DNA2: variants seen among roughly 807,000 people sequenced by gnomAD.
DNA2 encodes the protein DNA replication ATP-dependent helicase/nuclease DNA2.
Under a neutral mutation model 119.1 loss-of-function variants are expected in DNA2, and 101 were observed. The observed-to-expected ratio is 0.85, with a 90% CI of 0.72 to 1.00. DNA2 has a LOEUF of 1.00. Ranked by LOEUF, DNA2 falls within the 50% of genes least tolerant of loss-of-function variation. DNA2 has a pLI of 0.00. For synonymous variants in DNA2, 366 were observed against 424.4 expected (o/e 0.86, Z 1.69); for missense variants, 1,121 against 1,255.5 (o/e 0.89, Z 1.62).
chr10:68,448,976 T>C lies in DNA2; in HGVS notation c.939+1052A>G, dbSNP rs550163384. Among the ~76,000 whole-genome samples, 407 of 140,174 alleles carry C rather than the reference T, an allele frequency of 2.9e-3. 9 individuals carry two copies. Among genetic ancestry groups the C allele is most frequent in the African/African-American group, 0.011 (389 of 36,638 alleles). 92.0% of individuals were successfully genotyped at this position (140,174 alleles called of 152,430 possible). On this transcript the variant is annotated intron_variant, in intron 6 of 20. Coordinates refer to ENST00000358410, the MANE Select transcript of DNA2 (RefSeq NM_001080449.3). ...GTGTGTGTGTGTGTGTGCGTGTGTG[T>C]GTGTGTGTGTAGTAGTTTCACCATG...
intron 4 of DNA2, among the ~76,000 whole-genome samples, chr10:68,464,319 C>T (rs116858331): frequency 0.057 from 8,647 of 151,890 alleles, 388 homozygotes; most frequent in Non-Finnish European, 0.082. Flanking sequence ...ACAAAACCAG[C>T]CTGGCCAACA....
chr10:68,459,012 C>T (rs1041391754), intron 5 of DNA2, 92 bp downstream of exon 5: 39 of 1,156,108 alleles, frequency 3.4e-5, no homozygotes, highest in African/African-American at 1.1e-4. Context: ...ATTGTAATTA[C>T]TCAATCTTTA....
intron 4 of DNA2, among the ~76,000 whole-genome samples, chr10:68,460,872 T>C (rs182051872): frequency 1.5e-4 from 23 of 151,324 alleles, no homozygotes; most frequent in Admixed American, 4.6e-4. Context: ...ATCTCACCAC[T>C]GTACTCCAGC....
chr10:68,422,979 G>C, intron 14 of DNA2, 89 bp from the exon 15 acceptor site: 1 of 990,434 alleles, frequency 1.0e-6, no homozygotes, highest in Non-Finnish European at 1.4e-6. Flanking sequence ...AGATCAAAAG[G>C]TTTTTGTTCT....
At chr10:68,450,624 T>C (rs2052106071) in intron 5 of DNA2, among the ~76,000 whole-genome samples, 1 of 152,238 alleles carries the variant, frequency 6.6e-6, no homozygotes, top group Non-Finnish European at 1.5e-5. Flanking sequence ...CAGTCATTCC[T>C]ACTATAATCT....
chr10:68,433,810 T>G (rs1375485077), intron 10 of DNA2, among the ~76,000 whole-genome samples: 1 of 152,200 alleles, frequency 6.6e-6, no homozygotes, highest in Non-Finnish European at 1.5e-5. Context: ...CTTCCTTATA[T>G]TTTATATTCT....
chr10:68,438,476 G>A (rs1025262474), intron 9 of DNA2, among the ~76,000 whole-genome samples: 20 of 145,442 alleles, frequency 1.4e-4, no homozygotes, highest in African/African-American at 5.0e-4. Context: ...CCAAGATCAC[G>A]CCATTGCACT....
intron 14 of DNA2, among the ~76,000 whole-genome samples, chr10:68,425,360 AT>A (rs1447169225): frequency 7.1e-6 from 1 of 141,594 alleles, no homozygotes; most frequent in East Asian, 2.1e-4. Flanking sequence ...TTCCAAAGTG[AT>A]GGGATTACAG....
chr10:68,454,505 G>A (rs572347148), intron 5 of DNA2, among the ~76,000 whole-genome samples: 91 of 152,048 alleles, frequency 6.0e-4, no homozygotes, highest in African/African-American at 2.1e-3. Context: ...GATATCTACC[G>A]TAATTTAAAA....
intron 19 of DNA2, among the ~76,000 whole-genome samples, chr10:68,418,281 C>T (rs752916089): frequency 2.4e-4 from 36 of 151,860 alleles, no homozygotes; most frequent in Non-Finnish European, 4.1e-4. Context: ...GGCAAGATGG[C>T]GATGCCTGTA....
intron 5 of DNA2, among the ~76,000 whole-genome samples, chr10:68,456,682 G>A (rs1421537503): frequency 6.6e-6 from 1 of 152,008 alleles, no homozygotes; most frequent in African/African-American, 2.4e-5. Context: ...AAAGTGCAGG[G>A]ATTACAGGCA....
chr10:68,426,817 C>T (rs968038443), intron 14 of DNA2, among the ~76,000 whole-genome samples: 2 of 151,222 alleles, frequency 1.3e-5, no homozygotes, highest in African/African-American at 2.4e-5. Flanking sequence ...CCAGCCTGGG[C>T]GACAGAGCAA....
intron 9 of DNA2, among the ~76,000 whole-genome samples, chr10:68,441,326 CCT>C (rs1162804486): frequency 1.4e-5 from 2 of 140,618 alleles, no homozygotes; most frequent in East Asian, 4.1e-4. Context: ...AGAGTGTGAC[CCT>C]GTCTCTTAAA....
chr10:68,459,913 G>A (rs188068627), intron 4 of DNA2, among the ~76,000 whole-genome samples: 7 of 151,822 alleles, frequency 4.6e-5, no homozygotes, highest in East Asian at 3.9e-4. Context: ...TGTAATCCCC[G>A]CTCCTTGGGA....
chr10:68,445,393 G>A (rs1182809302), intron 7 of DNA2, among the ~76,000 whole-genome samples: 2 of 151,604 alleles, frequency 1.3e-5, no homozygotes, highest in Admixed American at 6.6e-5. Context: ...AACCTGGGAG[G>A]CGGAGATTGC....
At chr10:68,415,402 G>A (rs1008379360) in intron 20 of DNA2, among the ~76,000 whole-genome samples, 5 of 151,532 alleles carry the variant, frequency 3.3e-5, no homozygotes, top group Admixed American at 6.6e-5. Context: ...TCAGCCTCCC[G>A]AGTAGCTGGG....
At chr10:68,438,339 G>C (rs2133389026) in intron 9 of DNA2, among the ~76,000 whole-genome samples, 1 of 152,160 alleles carries the variant, frequency 6.6e-6, no homozygotes, top group Non-Finnish European at 1.5e-5. Flanking sequence ...GACCAACATG[G>C]AGAAACCCTG....
At chr10:68,425,088 CTTTT>C (rs60065153) in intron 14 of DNA2, 3,330 of 129,792 alleles carry the variant, frequency 0.026, no homozygotes, top group Middle Eastern at 0.054. Context: ...TGGAACATTT[CTTTT>C]TTTTTTTTTT....
At chr10:68,431,081 A>C (rs1343814673) in intron 13 of DNA2, among the ~76,000 whole-genome samples, 1 of 152,024 alleles carries the variant, frequency 6.6e-6, no homozygotes, top group Non-Finnish European at 1.5e-5. Context: ...TTGAGACTGC[A>C]TGAACTGTGA....
Sources: gnomAD v4.1 joint callset for allele counts (sites outside exome capture counted in the v4.1 genomes callset) on GRCh38, gnomAD v4.1.1 for gene constraint, MANE v1.5 for transcripts, NCBI Gene and HGNC (gene_info 2026-07-23, HGNC 2026-07-21) for gene names.